SERINC5: variants seen among roughly 807,000 people sequenced by gnomAD.
The protein encoded by SERINC5 is chromosome 5 open reading frame 12.
SERINC5 carries 41 observed loss-of-function variants against 63.1 expected under a neutral mutation model. The ratio of observed to expected loss-of-function variants is 0.65; its 90% CI spans 0.51 to 0.84. The LOEUF is 0.84. Among genes scored for constraint, SERINC5 ranks in the 40% least tolerant of loss-of-function variants. SERINC5 has a pLI of 0.00. For synonymous variants in SERINC5, 222 were observed against 215.2 expected, an observed-to-expected ratio of 1.03 and a Z score of -0.28; for missense variants, 523 against 573.0, an observed-to-expected ratio of 0.91 and a Z score of 0.89.
intron 9 of SERINC5, among the ~76,000 whole-genome samples, chr5:80,150,472 A>G (rs1244424397): frequency 1.3e-5 from 2 of 152,138 alleles, no homozygotes; most frequent in Non-Finnish European, 2.9e-5. Flanking sequence ...GTGTCACTCT[A>G]TTGCCCAGGC....
chr5:80,150,776 A>C (rs767758741), intron 9 of SERINC5, 106 bp downstream of exon 9: 7 of 846,466 alleles, frequency 8.3e-6, no homozygotes, highest in South Asian at 1.4e-5. Flanking sequence ...CTCAGCAGAA[A>C]AACAGGATCA....
At chr5:80,201,097 C>T (rs1040114905) in intron 2 of SERINC5, among the ~76,000 whole-genome samples, 6 of 151,860 alleles carry the variant, frequency 4.0e-5, no homozygotes, top group South Asian at 2.1e-4. Flanking sequence ...AGACTCCATC[C>T]ACCACCCCCC....
intron 1 of SERINC5, among the ~76,000 whole-genome samples, chr5:80,236,049 T>C (rs551952686): frequency 1.5e-3 from 201 of 132,546 alleles, no homozygotes; most frequent in African/African-American, 5.5e-3. Context: ...CACGGTTAAA[T>C]ACTGGATCTA....
intron 1 of SERINC5, among the ~76,000 whole-genome samples, chr5:80,231,875 A>T (rs1220049989): frequency 6.7e-6 from 1 of 149,642 alleles, no homozygotes; most frequent in African/African-American, 2.5e-5. Context: ...CCAAGAAGGG[A>T]GGATTACCTG....
chr5:80,143,102 C>T lies in SERINC5; in HGVS notation c.*561G>A, dbSNP rs924289777. On this transcript the variant is annotated 3_prime_UTR_variant, in exon 12 of 12. Transcript: ENST00000507668. ...ACCTCAAAGGGAAACGTTTAGGGGCCGTGAAGAGGCAGCACTGAGGGTGCA... is the reference window on the plus strand; with the variant it reads ...ACCTCAAAGGGAAACGTTTAGGGGCTGTGAAGAGGCAGCACTGAGGGTGCA... 1.1e-4 allele frequency: 109 copies of T among 985,248 alleles called. No homozygotes were observed. Among genetic ancestry groups the T allele is most frequent in the Non-Finnish European group, 1.3e-4 (105 of 829,966 alleles). 61.0% of individuals were successfully genotyped at this position (985,248 alleles called of 1,614,324 possible).
intron 2 of SERINC5, among the ~76,000 whole-genome samples, chr5:80,196,864 T>A (rs1268441020): frequency 6.6e-6 from 1 of 151,576 alleles, no homozygotes; most frequent in Non-Finnish European, 1.5e-5. Flanking sequence ...CGCTTGAACC[T>A]GGGAGGCGGG....
chr5:80,193,531 C>T (rs909946227), intron 2 of SERINC5, among the ~76,000 whole-genome samples: 16 of 152,214 alleles, frequency 1.1e-4, no homozygotes, highest in Non-Finnish European at 2.4e-4. Flanking sequence ...AGAGATCCAG[C>T]TGACACCTGG....
chr5:80,198,200 T>C (rs9293804), intron 2 of SERINC5, among the ~76,000 whole-genome samples: 46,860 of 151,910 alleles, frequency 0.31, 7,510 homozygotes, highest in African/African-American at 0.34. Flanking sequence ...GCTTAAATTA[T>C]ACAGTTAATA....
intron 2 of SERINC5, among the ~76,000 whole-genome samples, chr5:80,192,167 C>G (rs1034903300): frequency 7.2e-5 from 11 of 152,190 alleles, no homozygotes; most frequent in African/African-American, 2.7e-4. Context: ...AAAGTCTGCC[C>G]CACCCCTGCG....
intron 2 of SERINC5, among the ~76,000 whole-genome samples, chr5:80,201,869 C>G (rs902801492): frequency 1.3e-5 from 2 of 152,174 alleles, no homozygotes; most frequent in Admixed American, 1.3e-4. Flanking sequence ...GCCCATTCTC[C>G]ATTATTTGTG....
chr5:80,210,715 A>G (rs1750395090), intron 1 of SERINC5, among the ~76,000 whole-genome samples: 1 of 152,184 alleles, frequency 6.6e-6, no homozygotes, highest in African/African-American at 2.4e-5. Flanking sequence ...CCTGACTACC[A>G]GGTTCTTAAG....
chr5:80,244,681 G>A (rs1334465375), intron 1 of SERINC5, among the ~76,000 whole-genome samples: 2 of 152,152 alleles, frequency 1.3e-5, no homozygotes, highest in African/African-American at 4.8e-5. Context: ...AATTAGCCGG[G>A]CCTAGTGGCA....
intron 2 of SERINC5, among the ~76,000 whole-genome samples, chr5:80,195,286 CAA>C (rs35770657): frequency 2.5e-4 from 25 of 98,662 alleles, no homozygotes; most frequent in Non-Finnish European, 2.5e-4. Flanking sequence ...AACTCTGTCG[CAA>C]AAAAAAAAAA....
At chr5:80,230,522 T>A (rs1751391722) in intron 1 of SERINC5, among the ~76,000 whole-genome samples, 1 of 149,664 alleles carries the variant, frequency 6.7e-6, no homozygotes, top group Non-Finnish European at 1.5e-5. Context: ...AAACGGGGCT[T>A]GAGGGAAGTT....
intron 5 of SERINC5, among the ~76,000 whole-genome samples, chr5:80,174,306 G>GCAGTGAGCCATGT (rs1290444334): frequency 6.6e-6 from 1 of 151,190 alleles, no homozygotes; most frequent in Non-Finnish European, 1.5e-5. Flanking sequence ...AATCGAAGCT[G>GCAGTGAGCCATGT]CAGTGAGCCA....
At position 80,222,818 on chromosome 5, in the gene SERINC5, C is replaced by T. The variant is rs567142893; in HGVS notation, c.28-19765G>A. Among the ~76,000 whole-genome samples, 30 of 152,128 alleles carry T rather than the reference C, an allele frequency of 2.0e-4. 1 individual carries two copies. Among genetic ancestry groups the T allele is most frequent in the African/African-American group, 6.7e-4 (28 of 41,500 alleles). On this transcript the variant is annotated intron_variant, in intron 1 of 11. Coordinates refer to ENST00000507668, the MANE Select transcript of SERINC5 (RefSeq NM_001174072.3). ...CGAACTCCTGGCCTCAGGTGATCCA[C>T]CCGCCTCGGCCTCCCAAAGTGCTGG...
In SERINC5 at chr5:80,192,580, G is replaced by C. The variant is rs139733198; in HGVS notation, c.195+10306C>G. Among the ~76,000 whole-genome samples, 49 of 152,188 alleles carry C rather than the reference G, an allele frequency of 3.2e-4. 1 individual carries two copies. Among genetic ancestry groups the C allele is most frequent in the African/African-American group, 1.2e-3 (49 of 41,516 alleles). ...GCGGCTCAGAAGCCATCAATAGCTC[G>C]AACAGAAAACGTCCTCACATCTGTC... On this transcript the variant is annotated intron_variant, in intron 2 of 11. Transcript: ENST00000507668.
intron 1 of SERINC5, among the ~76,000 whole-genome samples, chr5:80,234,903 G>A (rs1751615252): frequency 6.6e-6 from 1 of 152,068 alleles, no homozygotes. Flanking sequence ...GTTCCTCACA[G>A]ATTTAACTTA....
In SERINC5 at chr5:80,140,026, C is replaced by CAT; in HGVS notation, c.*3635_*3636dup. Reference sequence around the variant, plus strand: ...GATGGCAAAAATTAAATAAATACATCATCTTAAAAAGGCAGAGGGTAGGCT... The same window carrying CAT: ...GATGGCAAAAATTAAATAAATACATCATATCTTAAAAAGGCAGAGGGTAGGCT... On this transcript the variant is annotated 3_prime_UTR_variant, in exon 12 of 12. Transcript: ENST00000507668. 1.0e-6 allele frequency: 1 copy of CAT among 985,318 alleles called. No homozygotes were observed. The highest frequency in any genetic ancestry group is 1.2e-6 in the Non-Finnish European group (1 of 829,914). 61.0% of individuals were successfully genotyped at this position (985,318 alleles called of 1,614,324 possible).
Sources: allele counts gnomAD v4.1 joint callset (sites outside exome capture counted in the v4.1 genomes callset), GRCh38; gene constraint gnomAD v4.1.1; transcripts MANE v1.5; gene names NCBI Gene and HGNC (gene_info 2026-07-23, HGNC 2026-07-21).